The following MROH9 variants were observed in gnomAD, a reference collection of about 807,000 sequenced individuals.
MROH9 encodes the protein maestro heat-like repeat-containing protein family member 9.
In MROH9, 92 loss-of-function variants were observed where a neutral mutation model predicts 98.2. The ratio of observed to expected loss-of-function variants is 0.94; its 90% CI spans 0.79 to 1.11. MROH9 has a LOEUF of 1.11. Ranked by LOEUF, MROH9 falls within the 50% of genes most tolerant of loss-of-function variation. MROH9 has a pLI of 0.00. For synonymous variants in MROH9, 397 were observed against 368.9 expected, an observed-to-expected ratio of 1.08 and a Z score of -0.87; for missense variants, 1,057 against 1,014.8, an observed-to-expected ratio of 1.04 and a Z score of -0.57.
chr1:171,042,406 G>A (rs962131889), intron 20 of MROH9, among the ~76,000 whole-genome samples: 1 of 151,952 alleles, frequency 6.6e-6, no homozygotes, highest in Non-Finnish European at 1.5e-5. Context: ...TGAACATTTA[G>A]GTTGCTTCCA....
At chr1:170,947,601 C>A in intron 3 of MROH9, 28 bp downstream of exon 3, 1 of 1,576,818 alleles carries the variant, frequency 6.3e-7, no homozygotes, top group African/African-American at 1.4e-5. Flanking sequence ...AGGATATCAA[C>A]GTAACTGAAT....
chr1:170,987,329 G>C (rs75600914), intron 10 of MROH9, among the ~76,000 whole-genome samples: 7,006 of 152,216 alleles, frequency 0.046, 541 homozygotes, highest in African/African-American at 0.16. Flanking sequence ...GAAATCCCCT[G>C]TGTATCCCTT....
intron 1 of MROH9, 109 bp downstream of exon 1, chr1:170,935,696 A>G (rs1045566617): frequency 1.4e-4 from 22 of 152,102 alleles, no homozygotes; most frequent in African/African-American, 5.1e-4. Context: ...CCATGAATAC[A>G]TTAGAAAATT....
intron 8 of MROH9, among the ~76,000 whole-genome samples, chr1:170,974,729 A>G (rs1650616739): frequency 6.6e-6 from 1 of 152,098 alleles, no homozygotes; most frequent in East Asian, 1.9e-4. Context: ...AGGAATGAAG[A>G]GCACTGGAAA....
intron 1 of MROH9, among the ~76,000 whole-genome samples, chr1:170,941,695 A>G (rs1242990829): frequency 2.0e-5 from 3 of 152,186 alleles, no homozygotes; most frequent in African/African-American, 4.8e-5. Flanking sequence ...CAGTGGCTGC[A>G]GTTTCCACCA....
At chr1:171,028,534 T>C (rs1312590256) in intron 20 of MROH9, among the ~76,000 whole-genome samples, 1 of 152,208 alleles carries the variant, frequency 6.6e-6, no homozygotes, top group Admixed American at 6.5e-5. Context: ...ACATGTGAAA[T>C]CCAAAATAGT....
At chr1:170,976,670 C>T (rs1650707007) in intron 8 of MROH9, among the ~76,000 whole-genome samples, 1 of 152,192 alleles carries the variant, frequency 6.6e-6, no homozygotes, top group Admixed American at 6.5e-5. Context: ...AAAATGATAA[C>T]ATATTTTCTT....
intron 3 of MROH9, among the ~76,000 whole-genome samples, chr1:170,952,305 G>A (rs1021193407): frequency 1.3e-5 from 2 of 152,172 alleles, no homozygotes; most frequent in East Asian, 1.9e-4. Context: ...GCACACATAT[G>A]TTTATTGTGG....
At chr1:171,012,754 T>C (rs975329139) in intron 15 of MROH9, among the ~76,000 whole-genome samples, 16 of 152,186 alleles carry the variant, frequency 1.1e-4, no homozygotes, top group Middle Eastern at 3.4e-3. Flanking sequence ...CCGCCCGCCT[T>C]GGCCTCCCAA....
chr1:170,996,530 T>C lies in MROH9; in HGVS notation c.1361T>C (p.Val454Ala), dbSNP rs746767121. The C allele has an allele frequency of 6.2e-7, 1 of 1,613,364 alleles. No homozygotes were observed. Among genetic ancestry groups the C allele is most frequent in the South Asian group, 1.1e-5 (1 of 91,040 alleles). Residue 454 changes from valine (V) to alanine (A), a missense_variant, in exon 14 of 22, where the codon GTT becomes GCT. By Grantham distance (64) the Val-to-Ala change is moderately conservative. Transcript: ENST00000367759. ...RALYAQDALR[V>A]LLNCSGLQQV... ...AGGTATGCCCAGGATGCCCTGAGAG[T>C]TCTGCTGAATTGTTCTGGACTGCAA...
chr1:171,049,724 G>A (rs1410840421), intron 20 of MROH9, among the ~76,000 whole-genome samples: 2 of 149,850 alleles, frequency 1.3e-5, no homozygotes, highest in Non-Finnish European at 3.0e-5. Context: ...CTCCTCTGTA[G>A]CCCAGGCTGG....
At chr1:170,941,262 G>A (rs1649109653) in intron 1 of MROH9, among the ~76,000 whole-genome samples, 1 of 152,136 alleles carries the variant, frequency 6.6e-6, no homozygotes, top group African/African-American at 2.4e-5. Context: ...TGGCAGACTG[G>A]AAGAAAGATT....
chr1:171,022,771 G>GA (rs1420610462), intron 17 of MROH9, among the ~76,000 whole-genome samples: 1 of 151,668 alleles, frequency 6.6e-6, no homozygotes, highest in Non-Finnish European at 1.5e-5. Flanking sequence ...TAAAAAAAAA[G>GA]AAAAAAGTGG....
chr1:171,062,099 T>C (rs1433648657), intron 20 of MROH9, 33 bp from the exon 21 acceptor site: 1 of 1,351,610 alleles, frequency 7.4e-7, no homozygotes, highest in Non-Finnish European at 1.0e-6. Context: ...ATAATGCATG[T>C]TGCAGTAACT....
rs1370776334 is a variant in MROH9 at position 171,052,531 on chromosome 1, G to A, written c.2282-9601G>A. 3.9e-5 allele frequency among the ~76,000 whole-genome samples: 6 copies of A among 152,282 alleles called. No individual in the cohort carries two copies. In the East Asian group the frequency reaches 5.8e-4, roughly 15 times the overall value. ...CGGGAGATATGTCCAGGTATAGAGC[G>A]AAGAGACTATCAAGTTGGCTGCACC... On this transcript the variant is annotated intron_variant, in intron 20 of 21. Transcript: ENST00000367759.
intron 20 of MROH9, among the ~76,000 whole-genome samples, chr1:171,059,424 CT>C (rs1381783100): frequency 6.6e-6 from 1 of 152,104 alleles, no homozygotes; most frequent in Non-Finnish European, 1.5e-5. Flanking sequence ...AATAGGAATG[CT>C]TTTACACTGT....
chr1:170,950,162 G>A (rs1431621888), intron 3 of MROH9, among the ~76,000 whole-genome samples: 2 of 152,032 alleles, frequency 1.3e-5, no homozygotes, highest in African/African-American at 4.8e-5. Context: ...CTGCACAGTT[G>A]CTGGTCTAAG....
chr1:171,052,616 A>T (rs1653706440), intron 20 of MROH9, among the ~76,000 whole-genome samples: 2 of 152,224 alleles, frequency 1.3e-5, no homozygotes, highest in Admixed American at 1.3e-4. Flanking sequence ...AAGCGAGTGC[A>T]TAAAAATGCC....
At chr1:170,968,572 G>GA (rs1650320810) in intron 7 of MROH9, among the ~76,000 whole-genome samples, 1 of 151,974 alleles carries the variant, frequency 6.6e-6, no homozygotes, top group African/African-American at 2.4e-5. Context: ...GGTAAATAAA[G>GA]AAAAAATTAC....
Sources: gnomAD v4.1 joint callset for allele counts (sites outside exome capture counted in the v4.1 genomes callset) on GRCh38, gnomAD v4.1.1 for gene constraint, MANE v1.5 for transcripts, NCBI Gene and HGNC (gene_info 2026-07-23, HGNC 2026-07-21) for gene names.